The following ALKBH5 variants were observed in gnomAD, a reference collection of about 807,000 sequenced individuals.
The protein encoded by ALKBH5 is RNA demethylase ALKBH5.
ALKBH5 carries 2 observed loss-of-function variants against 32.1 expected under a neutral mutation model. That is an observed-to-expected ratio of 0.06 (90% CI 0.03 to 0.20). The LOEUF (loss-of-function observed/expected upper bound fraction) is 0.20. Among genes scored for constraint, ALKBH5 ranks in the 10% least tolerant of loss-of-function variants. ALKBH5 has a pLI of 1.00. For synonymous variants in ALKBH5, 300 were observed against 231.7 expected (o/e 1.29, Z -2.68); for missense variants, 352 against 559.5 (o/e 0.63, Z 3.74).
In ALKBH5 at chr17:18,208,605, C is replaced by G. The variant is rs113968887; in HGVS notation, c.*209C>G. 7 of 680,762 alleles carry G rather than the reference C, an allele frequency of 1.0e-5. No homozygotes were observed. The highest frequency in any genetic ancestry group is 1.6e-5 in the Non-Finnish European group (6 of 385,020). 42.2% of individuals were successfully genotyped at this position (680,762 alleles called of 1,614,324 possible). A position where few individuals can be genotyped will look rare whatever the true frequency, so the allele number is the denominator to read the frequency against. On this transcript the variant is annotated 3_prime_UTR_variant, in exon 4 of 4. Coordinates refer to ENST00000399138, the MANE Select transcript of ALKBH5 (RefSeq NM_017758.4). ...CCTAGGTTCTCATATTCTTGGTATT[C>G]CTCCTGGATGGAAAGGCTGTTGGCA...
At chr17:18,192,299 T>C (rs1317879664) in intron 1 of ALKBH5, among the ~76,000 whole-genome samples, 1 of 152,228 alleles carries the variant, frequency 6.6e-6, no homozygotes, top group Non-Finnish European at 1.5e-5. Flanking sequence ...GCAATACCCC[T>C]GCAGGTAGGC....
chr17:18,208,172 C>T (rs1314519859), intron 3 of ALKBH5, 47 bp from the exon 4 acceptor site: 8 of 1,557,948 alleles, frequency 5.1e-6, no homozygotes, highest in African/African-American at 1.4e-5. Context: ...AAGCCAGGCG[C>T]CTCCTGCCAG....
chr17:18,199,379 A>G (rs1445765649), intron 2 of ALKBH5, among the ~76,000 whole-genome samples: 1 of 152,228 alleles, frequency 6.6e-6, no homozygotes, highest in Admixed American at 6.5e-5. Context: ...GAGGCTGACA[A>G]ACTTCTGGGG....
chr17:18,200,171 G>C (rs2047228322), intron 2 of ALKBH5, among the ~76,000 whole-genome samples: 1 of 151,402 alleles, frequency 6.6e-6, no homozygotes, highest in Admixed American at 6.6e-5. Flanking sequence ...GGTGAGCTTG[G>C]TAGATCTGGC....
At position 18,184,049 on chromosome 17, in the gene ALKBH5, T is replaced by C. The variant is rs1279734788; in HGVS notation, c.-195T>C. On this transcript the variant is annotated 5_prime_UTR_variant, in exon 1 of 4. Coordinates refer to ENST00000399138, the MANE Select transcript of ALKBH5 (RefSeq NM_017758.4). ...GGAAGAAGCCCCGTTGTCGCCACCG[T>C]TGCATGACCCGCCGCTCCTGAGGCC... The C allele has an allele frequency of 1.5e-6, 1 of 676,802 alleles. No homozygotes were observed. Among genetic ancestry groups the C allele is most frequent in the Non-Finnish European group, 2.7e-6 (1 of 373,998 alleles). 41.9% of individuals were successfully genotyped at this position (676,802 alleles called of 1,614,324 possible).
chr17:18,193,097 A>C (rs1001929377), intron 1 of ALKBH5, among the ~76,000 whole-genome samples: 2 of 152,024 alleles, frequency 1.3e-5, no homozygotes, highest in African/African-American at 2.4e-5. Context: ...ACCTCAGGCA[A>C]CATGCCCACC....
intron 3 of ALKBH5, 108 bp downstream of exon 3, chr17:18,207,078 T>G: frequency 1.4e-6 from 2 of 1,405,886 alleles, no homozygotes; most frequent in Admixed American, 4.5e-5. Context: ...TTGCTCACCC[T>G]TTCAAAACCT....
At chr17:18,201,831 AGATAGATGATAGATAGATT>A (rs1318866494) in intron 2 of ALKBH5, among the ~76,000 whole-genome samples, 65 of 106,378 alleles carry the variant, frequency 6.1e-4, no homozygotes, top group Non-Finnish European at 7.6e-4. Context: ...ATAGATAGAT[AGATAGATGATAGATAGATT>A]GATTGATTGA....
At chr17:18,199,250 CA>C (rs2047222128) in intron 2 of ALKBH5, among the ~76,000 whole-genome samples, 2 of 152,188 alleles carry the variant, frequency 1.3e-5, no homozygotes, top group African/African-American at 4.8e-5. Flanking sequence ...CGACCGAGGG[CA>C]AGCTGCCGCA....
chr17:18,185,508 A>G (rs1443178609), intron 1 of ALKBH5, among the ~76,000 whole-genome samples: 2 of 152,170 alleles, frequency 1.3e-5, no homozygotes, highest in African/African-American at 4.8e-5. Flanking sequence ...ATTGAAGCAC[A>G]TTCTCCATTC....
chr17:18,203,067 C>CT (rs1371072164), intron 2 of ALKBH5, among the ~76,000 whole-genome samples: 22 of 93,202 alleles, frequency 2.4e-4, no homozygotes, highest in Admixed American at 1.2e-3. Context: ...GCAAGATTGT[C>CT]TTTTAAAAAA....
chr17:18,208,157 C>CG (rs1203395978), intron 3 of ALKBH5, 62 bp from the exon 4 acceptor site: 2 of 1,526,840 alleles, frequency 1.3e-6, no homozygotes, highest in East Asian at 2.3e-5. Flanking sequence ...CGAGGTACAG[C>CG]GGTAAAGCCA....
intron 2 of ALKBH5, among the ~76,000 whole-genome samples, chr17:18,201,815 AGATAGATAGATAGATAGATAGAT>A (rs1567676727): frequency 1.3e-5 from 1 of 75,262 alleles, no homozygotes; most frequent in East Asian, 2.3e-4. Context: ...ATAGATAGAT[AGATAGATAGATAGATAGATAGAT>A]GATAGATAGA....
chr17:18,192,388 G>A (rs1056630310), intron 1 of ALKBH5, among the ~76,000 whole-genome samples: 4 of 152,290 alleles, frequency 2.6e-5, no homozygotes, highest in South Asian at 2.1e-4. Context: ...AGGAGGCCCC[G>A]TTTTTAAAAT....
At chr17:18,201,814 TA>T (rs1280664343) in intron 2 of ALKBH5, among the ~76,000 whole-genome samples, 7 of 74,574 alleles carry the variant, frequency 9.4e-5, no homozygotes, top group Middle Eastern at 8.6e-3. Context: ...GATAGATAGA[TA>T]GATAGATAGA....
chr17:18,190,573 T>C (rs1464108884), intron 1 of ALKBH5, among the ~76,000 whole-genome samples: 1 of 139,610 alleles, frequency 7.2e-6, no homozygotes, highest in Non-Finnish European at 1.6e-5. Flanking sequence ...AAAAAAAAAA[T>C]TTCAGACACC....
chr17:18,185,994 C>T (rs2047136998), intron 1 of ALKBH5, among the ~76,000 whole-genome samples: 1 of 152,196 alleles, frequency 6.6e-6, no homozygotes, highest in South Asian at 2.1e-4. Context: ...ACACACTGGG[C>T]TTTTGTCGTG....
intron 2 of ALKBH5, among the ~76,000 whole-genome samples, chr17:18,201,775 A>ATAGGTAGATAGATAGATAGG: frequency 7.0e-6 from 1 of 141,874 alleles, no homozygotes; most frequent in East Asian, 2.3e-4. Context: ...AGATAGATAG[A>ATAGGTAGATAGATAGATAGG]TAGATAGATA....
chr17:18,188,811 G>A (rs1315619822), intron 1 of ALKBH5, among the ~76,000 whole-genome samples: 2 of 152,224 alleles, frequency 1.3e-5, no homozygotes. Flanking sequence ...GCTCATGCCT[G>A]TAATGCCAGA....
Sources: gnomAD v4.1 joint callset for allele counts (sites outside exome capture counted in the v4.1 genomes callset) on GRCh38, gnomAD v4.1.1 for gene constraint, MANE v1.5 for transcripts, NCBI Gene and HGNC (gene_info 2026-07-23, HGNC 2026-07-21) for gene names.